Variants in ROBO1 observed in about 807,000 individuals in gnomAD.
ROBO1 encodes roundabout homolog 1.
A neutral mutation model predicts 195.9 loss-of-function variants in ROBO1; 149 were observed. The observed-to-expected ratio is 0.76, with a 90% CI of 0.67 to 0.87. The LOEUF is 0.87. ROBO1 is among the 40% of genes least tolerant of loss of function. ROBO1 has a pLI of 0.00. For missense variants in ROBO1, 1,933 were observed against 2,068.3 expected (o/e 0.93, Z 1.27); for synonymous variants, 816 against 733.2 (o/e 1.11, Z -1.82).
chr3:79,421,558 C>T (rs576569082), intron 2 of ROBO1, among the ~76,000 whole-genome samples: 1 of 152,182 alleles, frequency 6.6e-6, no homozygotes, highest in East Asian at 1.9e-4. Context: ...CAACAATGGA[C>T]TTTCCAACCC....
chr3:78,675,859 G>A (rs1029941717), intron 10 of ROBO1, among the ~76,000 whole-genome samples: 3 of 152,102 alleles, frequency 2.0e-5, no homozygotes, highest in East Asian at 1.9e-4. Context: ...CTGAGAAAGG[G>A]CAGACTGCCT....
chr3:79,188,120 G>C (rs921493452), intron 2 of ROBO1, among the ~76,000 whole-genome samples: 7 of 151,950 alleles, frequency 4.6e-5, no homozygotes, highest in African/African-American at 1.7e-4. Context: ...TCTGTAACAG[G>C]TGTGATGGAT....
intron 2 of ROBO1, among the ~76,000 whole-genome samples, chr3:79,408,365 TA>T (rs1287710978): frequency 6.6e-6 from 1 of 152,108 alleles, no homozygotes; most frequent in Non-Finnish European, 1.5e-5. Flanking sequence ...AATTTATCTT[TA>T]TATATTATTT....
chr3:79,151,348 A>G (rs1279157001), intron 2 of ROBO1, among the ~76,000 whole-genome samples: 1 of 151,810 alleles, frequency 6.6e-6, no homozygotes, highest in Admixed American at 6.6e-5. Context: ...GTCATCCTTG[A>G]TTCTTTGTCC....
At position 78,614,798 on chromosome 3, in the gene ROBO1, G is replaced by A. The variant is rs766968897; in HGVS notation, c.4285C>T (p.Arg1429Cys). Residue 1429 changes from arginine (R) to cysteine (C), a missense_variant and splice_region_variant, in exon 28 of 31, where the codon CGT (arginine) becomes TGT (cysteine). Around this residue, in one of 3 missense-constraint regions of ROBO1, gnomAD observed 1,737 missense variants for 1,882.5 expected, o/e 0.92. Transcript: ENST00000464233. ...ARRQMQDAAG[R>C]RHFHASQCPR... Reference sequence around the variant, plus strand: ...CACTGAGACGCATGAAAATGTCGACGGCCTAAGGAGAAAAAAAAAAAAAAT... The same window carrying A: ...CACTGAGACGCATGAAAATGTCGACAGCCTAAGGAGAAAAAAAAAAAAAAT... 8 of 1,581,538 alleles carry A rather than the reference G, an allele frequency of 5.1e-6. No individual in the cohort carries two copies. Among genetic ancestry groups the A allele is most frequent in the Non-Finnish European group, 6.0e-6 (7 of 1,167,842 alleles).
intron 4 of ROBO1, among the ~76,000 whole-genome samples, chr3:78,758,397 G>A (rs2108350413): frequency 6.6e-6 from 1 of 151,856 alleles, no homozygotes; most frequent in East Asian, 2.0e-4. Flanking sequence ...TGGTGGCACA[G>A]GCCTGTAGTC....
intron 2 of ROBO1, among the ~76,000 whole-genome samples, chr3:79,313,527 G>A (rs544218924): frequency 1.3e-5 from 2 of 152,230 alleles, no homozygotes; most frequent in South Asian, 4.1e-4. Flanking sequence ...CCTTCCTTAT[G>A]TTGTTCAAAT....
intron 4 of ROBO1, among the ~76,000 whole-genome samples, chr3:78,855,153 T>C (rs898995528): frequency 8.6e-5 from 13 of 151,936 alleles, no homozygotes; most frequent in African/African-American, 2.7e-4. Context: ...ACCATAAGCC[T>C]GAAGCCACTA....
chr3:78,899,545 T>A (rs1050599624), intron 4 of ROBO1, among the ~76,000 whole-genome samples: 2 of 152,184 alleles, frequency 1.3e-5, no homozygotes, highest in African/African-American at 4.8e-5. Flanking sequence ...AAACTGGGAA[T>A]GTTTGCTGTT....
chr3:79,351,099 T>C (rs2035322596), intron 2 of ROBO1, among the ~76,000 whole-genome samples: 1 of 152,176 alleles, frequency 6.6e-6, no homozygotes, highest in Admixed American at 6.5e-5. Flanking sequence ...TTCTAATTGG[T>C]GAATTGCAAG....
chr3:79,149,508 CTG>C (rs1247477463), intron 2 of ROBO1, among the ~76,000 whole-genome samples: 1 of 138,738 alleles, frequency 7.2e-6, no homozygotes, highest in Non-Finnish European at 1.6e-5. Flanking sequence ...TCTCTTCGAA[CTG>C]TGTTTGTTGT....
chr3:78,753,265 C>T (rs577105002), intron 4 of ROBO1, among the ~76,000 whole-genome samples: 9 of 152,166 alleles, frequency 5.9e-5, no homozygotes, highest in Non-Finnish European at 8.8e-5. Flanking sequence ...GCTGTAGAAA[C>T]GGGGCCATGT....
At chr3:78,727,329 TA>T (rs1311063950) in intron 5 of ROBO1, among the ~76,000 whole-genome samples, 1 of 152,146 alleles carries the variant, frequency 6.6e-6, no homozygotes, top group Admixed American at 6.6e-5. Flanking sequence ...AAGAATACTT[TA>T]AAAAACTACA....
At chr3:79,234,438 G>T (rs1199617791) in intron 2 of ROBO1, among the ~76,000 whole-genome samples, 1 of 151,958 alleles carries the variant, frequency 6.6e-6, no homozygotes, top group African/African-American at 2.4e-5. Context: ...TATTAAATAG[G>T]GAGTCTTTTC....
At chr3:78,679,807 T>G (rs536494200) in intron 10 of ROBO1, among the ~76,000 whole-genome samples, 1 of 152,170 alleles carries the variant, frequency 6.6e-6, no homozygotes, top group East Asian at 1.9e-4. Context: ...CCAATGACTT[T>G]CCTCACAGAA....
chr3:79,361,948 G>A (rs2035784934), intron 2 of ROBO1, among the ~76,000 whole-genome samples: 1 of 151,896 alleles, frequency 6.6e-6, no homozygotes, highest in Non-Finnish European at 1.5e-5. Flanking sequence ...GCGTCCAAAG[G>A]CAGCTTAGTG....
At chr3:79,325,032 G>GC (rs1384613175) in intron 2 of ROBO1, among the ~76,000 whole-genome samples, 1 of 152,154 alleles carries the variant, frequency 6.6e-6, no homozygotes, top group Admixed American at 6.5e-5. Flanking sequence ...AGACAGAATA[G>GC]TTGAGACTGA....
chr3:79,406,759 T>G (rs2037566214), intron 2 of ROBO1, among the ~76,000 whole-genome samples: 1 of 152,082 alleles, frequency 6.6e-6, no homozygotes, highest in African/African-American at 2.4e-5. Flanking sequence ...TCCTGGAAAT[T>G]TCCTGATTAA....
At position 79,744,860 on chromosome 3, in the gene ROBO1, T is replaced by C. The variant is rs534124506; in HGVS notation, c.-51+22892A>G. ...AAATTCCAGTTTATGAAGTGATGAA[T>C]GATAAAAAATTACAATATTTTGGAT... On this transcript the variant is annotated intron_variant, in intron 1 of 30. Transcript: ENST00000464233. 4.6e-5 allele frequency among the ~76,000 whole-genome samples: 7 copies of C among 152,204 alleles called. No individual in the cohort carries two copies. The East Asian group carries it at 1.4e-3, about 29-fold the overall frequency.
Sources: allele counts gnomAD v4.1 joint callset (sites outside exome capture counted in the v4.1 genomes callset), GRCh38; gene constraint gnomAD v4.1.1; regional missense constraint gnomAD v4.1.1; transcripts MANE v1.5; gene names NCBI Gene and HGNC (gene_info 2026-07-23, HGNC 2026-07-21).